EFHC1: variants seen among roughly 807,000 people sequenced by gnomAD.
EFHC1 encodes the protein EF-hand domain-containing protein 1.
In EFHC1, 53 loss-of-function variants were observed where a neutral mutation model predicts 69.9. The observed-to-expected ratio is 0.76, with a 90% confidence interval of 0.61 to 0.95. The LOEUF is 0.95. Among genes scored for constraint, EFHC1 ranks in the 40% least tolerant of loss-of-function variants. The pLI is 0.00. For synonymous variants in EFHC1, 256 were observed against 278.4 expected (o/e 0.92, Z 0.80); for missense variants, 739 against 798.7 (o/e 0.93, Z 0.90).
intron 6 of EFHC1, among the ~76,000 whole-genome samples, chr6:52,467,200 A>G (rs1291455498): frequency 1.8e-5 from 2 of 112,252 alleles, no homozygotes; most frequent in East Asian, 2.2e-4. Context: ...TTTTTTTTTT[A>G]AGACAGGGTC....
intron 3 of EFHC1, among the ~76,000 whole-genome samples, chr6:52,441,218 G>A (rs974118046): frequency 6.6e-6 from 1 of 152,118 alleles, no homozygotes; most frequent in African/African-American, 2.4e-5. Context: ...CCATTCCTAT[G>A]TTTAGAATAG....
chr6:52,482,907 T>G, intron 9 of EFHC1: 1 of 398,572 alleles, frequency 2.5e-6, no homozygotes, highest in Non-Finnish European at 4.4e-6. Context: ...AATTCACTTC[T>G]TGCATCTTTG....
intron 9 of EFHC1, among the ~76,000 whole-genome samples, 188 bp from the exon 10 acceptor site, chr6:52,489,952 C>T (rs949138021): frequency 1.3e-5 from 2 of 152,100 alleles, no homozygotes; most frequent in Admixed American, 1.3e-4. Context: ...AAAACTGCCC[C>T]CAGTCGGGCC....
At chr6:52,439,588 A>G (rs185768827) in intron 3 of EFHC1, among the ~76,000 whole-genome samples, 4 of 152,210 alleles carry the variant, frequency 2.6e-5, no homozygotes, top group African/African-American at 9.6e-5. Flanking sequence ...AGCAATAGCA[A>G]ATAAATAGAT....
At chr6:52,488,802 A>T (rs1765838599) in intron 9 of EFHC1, 2 of 152,204 alleles carry the variant, frequency 1.3e-5, no homozygotes, top group African/African-American at 4.8e-5. Context: ...CTCTATACAT[A>T]CTTTTATGTC....
At chr6:52,430,704 A>G (rs1385110579) in intron 2 of EFHC1, among the ~76,000 whole-genome samples, 2 of 152,180 alleles carry the variant, frequency 1.3e-5, no homozygotes, top group Admixed American at 1.3e-4. Context: ...TTTTGGTATT[A>G]GGGTGATACT....
At chr6:52,479,014 T>C (rs1581846785) in intron 7 of EFHC1, 23 bp from the exon 8 acceptor site, 1 of 1,608,798 alleles carries the variant, frequency 6.2e-7, no homozygotes, top group African/African-American at 1.3e-5. Context: ...CTTCATAATA[T>C]CCTCTTTTCT....
At chr6:52,422,554 T>C (rs1300214098) in intron 1 of EFHC1, among the ~76,000 whole-genome samples, 2 of 152,192 alleles carry the variant, frequency 1.3e-5, no homozygotes, top group Non-Finnish European at 2.9e-5. Context: ...TGAAAGATGG[T>C]AGGCTGGGCT....
chr6:52,460,454 A>C (rs1179418596), intron 5 of EFHC1, among the ~76,000 whole-genome samples: 1 of 152,322 alleles, frequency 6.6e-6, no homozygotes, highest in South Asian at 2.1e-4. Context: ...TGATGGTTTC[A>C]TGGGTAAATA....
At chr6:52,480,082 C>G (rs950573781) in intron 9 of EFHC1, 2 of 592,804 alleles carry the variant, frequency 3.4e-6, no homozygotes, top group African/African-American at 3.7e-5. Context: ...AACTTAACTA[C>G]TAATAGCCTA....
At position 52,495,510 on chromosome 6, in the gene EFHC1, C is replaced by T. The variant is rs530879426; in HGVS notation, c.*3169C>T. On this transcript the variant is annotated 3_prime_UTR_variant, in exon 11 of 11. Transcript: ENST00000371068. ...TATATTTGCCAATTTTTGTCCTCAG[C>T]TTTGGGTCTCAGCCAAAATGGAGAT... The T allele has an allele frequency of 2.6e-5, 12 of 454,112 alleles. No individual in the cohort carries two copies. Among genetic ancestry groups the T allele is most frequent in the African/African-American group, 1.0e-4 (5 of 50,122 alleles). The allele number at this position is 454,112 out of a possible 1,614,324, so 28.1% of individuals were successfully genotyped here.
At position 52,479,098 on chromosome 6, in the gene EFHC1, A is replaced by C; in HGVS notation, c.1340A>C (p.Asp447Ala). ...GTCTTCTCTTACTTTCTAGCTACCG[A>C]CATGATCAGTATCTTTGAGCCTCCT... ...RFVFSYFLAT[D>A]MISIFEPPVR... Residue 447 changes from aspartate to alanine, a missense_variant, in exon 8 of 11, where the codon GAC (aspartate) becomes GCC (alanine). By Grantham distance (126) the Asp-to-Ala change is moderately radical. Transcript: ENST00000371068. The C allele has an allele frequency of 6.2e-7, 1 of 1,614,128 alleles. No homozygotes were observed. Among genetic ancestry groups the C allele is most frequent in the South Asian group, 1.1e-5 (1 of 91,074 alleles).
At chr6:52,428,712 T>C (rs1234389923) in intron 2 of EFHC1, among the ~76,000 whole-genome samples, 3 of 152,214 alleles carry the variant, frequency 2.0e-5, no homozygotes, top group East Asian at 1.9e-4. Context: ...AGTAGTGGGA[T>C]TGCTGGATCA....
At chr6:52,468,068 C>T (rs1269861179) in intron 6 of EFHC1, among the ~76,000 whole-genome samples, 1 of 152,154 alleles carries the variant, frequency 6.6e-6, no homozygotes, top group African/African-American at 2.4e-5. Flanking sequence ...AACATAAATG[C>T]AATAGCCAGA....
intron 5 of EFHC1, among the ~76,000 whole-genome samples, chr6:52,454,899 C>A (rs1765005627): frequency 6.6e-6 from 1 of 151,978 alleles, no homozygotes; most frequent in Non-Finnish European, 1.5e-5. Flanking sequence ...TGAGACCAGC[C>A]TGGGCAACGT....
intron 2 of EFHC1, among the ~76,000 whole-genome samples, chr6:52,435,556 C>A (rs993397267): frequency 1.3e-5 from 2 of 152,230 alleles, no homozygotes; most frequent in African/African-American, 4.8e-5. Flanking sequence ...CTCAACACCT[C>A]ATCTGCTTCC....
chr6:52,489,730 A>G (rs1319752431), intron 9 of EFHC1, among the ~76,000 whole-genome samples: 2 of 152,228 alleles, frequency 1.3e-5, no homozygotes, highest in South Asian at 2.1e-4. Flanking sequence ...ATCTATAGCT[A>G]TATATTTATA....
At chr6:52,480,164 C>A in intron 9 of EFHC1, 1 of 411,278 alleles carries the variant, frequency 2.4e-6, no homozygotes, top group Non-Finnish European at 4.4e-6. Context: ...TGTATTGCAT[C>A]CTGTATTCTT....
chr6:52,420,492 G>T lies in EFHC1; in HGVS notation c.63+19G>T. The T allele has an allele frequency of 6.2e-7, 1 of 1,614,118 alleles. No homozygotes were observed. The highest frequency in any genetic ancestry group is 8.5e-7 in the Non-Finnish European group (1 of 1,180,002). ...CTCTACGGTGAGCAGTTATCTGCCA[G>T]ACTCCCACCTGTCCCCACCTTCCAG... On this transcript the variant is annotated intron_variant, in intron 1 of 10. Coordinates refer to ENST00000371068, the MANE Select transcript of EFHC1 (RefSeq NM_018100.4).
Sources: allele counts gnomAD v4.1 joint callset (sites outside exome capture counted in the v4.1 genomes callset), GRCh38; gene constraint gnomAD v4.1.1; transcripts MANE v1.5; gene names NCBI Gene and HGNC (gene_info 2026-07-23, HGNC 2026-07-21).